The following RPS6KA2 variants were observed in gnomAD, a reference collection of about 807,000 sequenced individuals.
RPS6KA2 encodes ribosomal protein S6 kinase A2.
In RPS6KA2, 42 loss-of-function variants were observed where a neutral mutation model predicts 91.8. That is an observed-to-expected ratio of 0.46 (90% confidence interval 0.36 to 0.59). The LOEUF (loss-of-function observed/expected upper bound fraction) is 0.59, where lower values mean the gene tolerates loss of function less well. Among genes scored for constraint, RPS6KA2 ranks in the 20% least tolerant of loss-of-function variants. RPS6KA2 has a pLI of 0.00. For synonymous variants in RPS6KA2, 414 were observed against 393.6 expected (o/e 1.05, Z -0.61); for missense variants, 798 against 978.5 (o/e 0.82, Z 2.46).
At chr6:166,683,904 C>T (rs2128567676) in intron 2 of RPS6KA2, among the ~76,000 whole-genome samples, 1 of 152,224 alleles carries the variant, frequency 6.6e-6, no homozygotes, top group Non-Finnish European at 1.5e-5. Flanking sequence ...CCCAGGCAGG[C>T]CTACAACAGC....
rs558297252 is a variant in RPS6KA2 at position 166,449,873 on chromosome 6, G to A, written c.1207-1024C>T. 4.0e-3 allele frequency among the ~76,000 whole-genome samples: 255 copies of A among 63,668 alleles called. 3 individuals are homozygous for A. The highest frequency in any genetic ancestry group is 0.013 in the Middle Eastern group (1 of 76). 41.8% of individuals were successfully genotyped at this position (63,668 alleles called of 152,430 possible). A position where few individuals can be genotyped will look rare whatever the true frequency, so the allele number is the denominator to read the frequency against. On this transcript the variant is annotated intron_variant, in intron 13 of 20. Coordinates refer to ENST00000265678, the MANE Select transcript of RPS6KA2 (RefSeq NM_021135.6). The stretch of plus-strand genomic sequence containing the variant: ...CGAGGACCACCATGGGAACCACCAC[G>A]CGGACCACCATGGGACAACCACGAG...
intron 12 of RPS6KA2, 126 bp from the exon 13 acceptor site, chr6:166,451,359 GCAC>G: frequency 8.9e-6 from 9 of 1,013,090 alleles, no homozygotes; most frequent in South Asian, 1.5e-5. Flanking sequence ...GTGTGTGTGT[GCAC>G]GTGGCGTATG....
chr6:166,829,907 C>T (rs1184886566), intron 2 of RPS6KA2, among the ~76,000 whole-genome samples: 5 of 152,054 alleles, frequency 3.3e-5, no homozygotes, highest in Admixed American at 3.3e-4. Flanking sequence ...GTCCAGAGTT[C>T]AAGACTAGCC....
intron 17 of RPS6KA2, among the ~76,000 whole-genome samples, 162 bp from the exon 18 acceptor site, chr6:166,420,120 A>G (rs543309367): frequency 6.6e-6 from 1 of 152,254 alleles, no homozygotes; most frequent in East Asian, 1.9e-4. Context: ...AGCCAACCCT[A>G]AGGTACTGCA....
At chr6:166,640,797 T>G (rs1278533472) in intron 2 of RPS6KA2, among the ~76,000 whole-genome samples, 4 of 137,196 alleles carry the variant, frequency 2.9e-5, no homozygotes, top group South Asian at 2.5e-4. Context: ...AGAGGTTCAG[T>G]GGGGGGCCAA....
chr6:166,702,157 C>G, intron 2 of RPS6KA2: 1 of 1,592,480 alleles, frequency 6.3e-7, no homozygotes, highest in Non-Finnish European at 8.6e-7. Context: ...TAGACTGGGT[C>G]TGTTTGGTGA....
At chr6:166,828,616 G>T (rs1780105227) in intron 2 of RPS6KA2, among the ~76,000 whole-genome samples, 1 of 152,162 alleles carries the variant, frequency 6.6e-6, no homozygotes, top group Non-Finnish European at 1.5e-5. Context: ...TGTGAAAACT[G>T]GATATCAAGA....
At chr6:166,505,290 A>G (rs1393711608) in intron 5 of RPS6KA2, among the ~76,000 whole-genome samples, 3 of 152,172 alleles carry the variant, frequency 2.0e-5, no homozygotes. Flanking sequence ...GTGACCAGGC[A>G]GGGATGGCCT....
At chr6:166,809,530 T>C (rs557344416) in intron 2 of RPS6KA2, among the ~76,000 whole-genome samples, 2 of 152,278 alleles carry the variant, frequency 1.3e-5, no homozygotes, top group South Asian at 2.1e-4. Context: ...AAAAGTTGCA[T>C]AGGGTGTGGA....
rs780471639 is a variant in RPS6KA2, at chr6:166,770,792, T to C, written c.123+87408A>G. ...ACTCAATAAATTGAAAAAGACTTCATGTTTAACTTAAAAAAAAAATGTAAC... is the reference window on the plus strand; with the variant it reads ...ACTCAATAAATTGAAAAAGACTTCACGTTTAACTTAAAAAAAAAATGTAAC... On this transcript the variant is annotated intron_variant, in intron 2 of 21. Transcript: ENST00000503859. This position sits in a 1 kb window ranked among gnomAD's most constrained non-coding sequence, Gnocchi z 5.1. 2 of 1,410,082 alleles carry C rather than the reference T, an allele frequency of 1.4e-6. No homozygotes were observed. The highest frequency in any genetic ancestry group is 1.9e-6 in the Non-Finnish European group (2 of 1,036,302). The allele number at this position is 1,410,082 out of a possible 1,614,324, so 87.3% of individuals were successfully genotyped here.
At chr6:166,679,729 C>CAA (rs1352338882) in intron 2 of RPS6KA2, among the ~76,000 whole-genome samples, 1 of 152,190 alleles carries the variant, frequency 6.6e-6, no homozygotes, top group African/African-American at 2.4e-5. Flanking sequence ...AGGCCGGAGC[C>CAA]GGCTCTCTCT....
chr6:166,674,108 T>C (rs918481732), intron 2 of RPS6KA2, among the ~76,000 whole-genome samples: 2 of 152,384 alleles, frequency 1.3e-5, no homozygotes, highest in East Asian at 1.9e-4. Flanking sequence ...CTGGTACTCT[T>C]AGAGCCCTGG....
At chr6:166,489,033 G>A (rs1011172740) in intron 9 of RPS6KA2, 112 bp from the exon 10 acceptor site, 6 of 851,430 alleles carry the variant, frequency 7.0e-6, no homozygotes, top group East Asian at 2.7e-5. Context: ...AGAGCAGCCC[G>A]TGCTCTACCA....
At chr6:166,791,788 G>A (rs1779097327) in intron 2 of RPS6KA2, among the ~76,000 whole-genome samples, 1 of 151,392 alleles carries the variant, frequency 6.6e-6, no homozygotes. Context: ...CGAAATGAAG[G>A]CAGAAATAAA....
chr6:166,450,998 C>A (rs376484890), intron 13 of RPS6KA2, 105 bp downstream of exon 13: 2 of 1,385,580 alleles, frequency 1.4e-6, no homozygotes, highest in East Asian at 2.3e-5. Flanking sequence ...GTCCACCCAT[C>A]CTAAGCACCC....
In RPS6KA2 at chr6:166,435,181, T is replaced by G. The variant is rs1194376605; in HGVS notation, c.1333-2691A>C. On this transcript the variant is annotated intron_variant, in intron 14 of 20. Coordinates refer to ENST00000265678, the MANE Select transcript of RPS6KA2 (RefSeq NM_021135.6). The surrounding 1 kb of genome is among the most constrained non-coding windows in gnomAD (Gnocchi z 4.3). ...CAGATGGCTGCCCTCTCAACCCTAG[T>G]ATCTATTTTATTTCTATGTGTTCTT... Among the ~76,000 whole-genome samples the G allele has an allele frequency of 6.6e-6, 1 of 152,226 alleles. No homozygotes were observed. The highest frequency in any genetic ancestry group is 1.5e-5 in the Non-Finnish European group (1 of 68,034).
chr6:166,575,271 A>G (rs371504663), intron 1 of RPS6KA2, among the ~76,000 whole-genome samples: 19 of 152,390 alleles, frequency 1.2e-4, no homozygotes, highest in Middle Eastern at 3.4e-3. Context: ...AGTCAGAAGC[A>G]TAACACGAGG....
chr6:166,682,653 T>C (rs1007413882), intron 2 of RPS6KA2, among the ~76,000 whole-genome samples: 7 of 152,078 alleles, frequency 4.6e-5, no homozygotes, highest in African/African-American at 1.7e-4. Context: ...AGTGTGGAGA[T>C]AAACACTAGC....
chr6:166,823,458 TGTGTGTG>T (rs1779956259), intron 2 of RPS6KA2, among the ~76,000 whole-genome samples: 1 of 151,816 alleles, frequency 6.6e-6, no homozygotes, highest in Non-Finnish European at 1.5e-5. Context: ...TGTGTGTGTG[TGTGTGTG>T]TGTGTGTGTA....
Sources: allele counts gnomAD v4.1 joint callset (sites outside exome capture counted in the v4.1 genomes callset), GRCh38; gene constraint gnomAD v4.1.1; non-coding constraint Gnocchi (gnomAD v3.1); transcripts MANE v1.5; gene names NCBI Gene and HGNC (gene_info 2026-07-23, HGNC 2026-07-21).